Variants in DST observed in about 807,000 individuals in gnomAD.
DST encodes the protein bullous pemphigoid antigen.
A neutral mutation model predicts 875.2 loss-of-function variants in DST; 253 were observed. That is an observed-to-expected ratio of 0.29 (90% confidence interval 0.26 to 0.32). The LOEUF is 0.32. DST is among the 10% of genes least tolerant of loss of function. The pLI is 1.00. For missense variants in DST, 8,287 were observed against 9,111.6 expected (o/e 0.91, Z 3.68); for synonymous variants, 3,124 against 3,197.1 (o/e 0.98, Z 0.77).
chr6:56,633,667 GT>G (rs760498037), intron 27 of DST, among the ~76,000 whole-genome samples: 5 of 151,522 alleles, frequency 3.3e-5, no homozygotes, highest in Non-Finnish European at 7.4e-5. Flanking sequence ...CACCTGGCTA[GT>G]TTTGTATTTT....
Position 56,715,990 on chromosome 6 carries a change from G to A in DST, c.688-11621C>T, listed in dbSNP as rs1372478907. Among the ~76,000 whole-genome samples the A allele has an allele frequency of 3.9e-5, 6 of 152,102 alleles. No homozygotes were observed. In the East Asian group the frequency reaches 7.7e-4, roughly 20 times the overall value. On this transcript the variant is annotated intron_variant, in intron 5 of 103. Transcript: ENST00000680361. ...GAAGGACTTCCAAGTCTACGCATTC[G>A]TAAATAAATCTGTATGCCTTTTTCT...
intron 3 of DST, 199 bp from the exon 4 acceptor site, chr6:56,851,803 A>G: frequency 6.4e-7 from 1 of 1,551,694 alleles, no homozygotes; most frequent in South Asian, 1.2e-5. Context: ...TTTCTTGGCC[A>G]AGTCTCCAAT....
At chr6:56,575,028 T>A (rs1483269876) in intron 50 of DST, among the ~76,000 whole-genome samples, 1 of 152,042 alleles carries the variant, frequency 6.6e-6, no homozygotes, top group African/African-American at 2.4e-5. Flanking sequence ...GAGTGAGAGG[T>A]TAAGTTTGGA....
chr6:56,693,215 C>T, intron 9 of DST: 1 of 1,215,354 alleles, frequency 8.2e-7, no homozygotes, highest in Non-Finnish European at 1.0e-6. Flanking sequence ...TACTTAGATC[C>T]TCTCCATTAA....
In DST at chr6:56,607,053, T is replaced by C. The variant is rs2098504617; in HGVS notation, c.7575A>G (p.Lys2525=). Residue 2525 remains lysine, a synonymous_variant, in exon 40 of 104, where the codon AAA becomes AAG. Transcript: ENST00000680361. ...CCTCACCAGAAGTATTTGAAATGTA[T>C]TTATCATTGTGATATTGTACTTGAG... ...SNPQVQYHND[K]YISNTSGEDE... is the part of the protein sequence containing the mutation. 4 of 1,613,210 alleles carry C rather than the reference T, an allele frequency of 2.5e-6. No individual in the cohort carries two copies. The South Asian group carries it at 4.4e-5, about 18-fold the overall frequency.
At chr6:56,942,706 C>CTTTTT (rs67354752) in intron 2 of DST, among the ~76,000 whole-genome samples, 7 of 65,994 alleles carry the variant, frequency 1.1e-4, no homozygotes, top group Admixed American at 2.0e-4. Flanking sequence ...TGCCATTTCT[C>CTTTTT]TTTTTTTTTT....
chr6:56,635,054 C>A, intron 24 of DST, 101 bp from the exon 25 acceptor site: 1 of 900,578 alleles, frequency 1.1e-6, no homozygotes, highest in Non-Finnish European at 1.7e-6. Flanking sequence ...AGTCTTCTCT[C>A]TGACTACCTA....
chr6:56,512,466 G>T (rs1179381717), intron 72 of DST, among the ~76,000 whole-genome samples: 2 of 152,328 alleles, frequency 1.3e-5, no homozygotes, highest in East Asian at 3.9e-4. Flanking sequence ...GCATTGAGGG[G>T]TCTTTCATTT....
intron 61 of DST, among the ~76,000 whole-genome samples, chr6:56,548,411 T>C (rs1007568675): frequency 2.0e-5 from 3 of 152,224 alleles, no homozygotes; most frequent in African/African-American, 4.8e-5. Flanking sequence ...ATGGTGATAA[T>C]GGTTACTTCA....
intron 4 of DST, among the ~76,000 whole-genome samples, chr6:56,793,444 T>C (rs1036995401): frequency 6.6e-6 from 1 of 152,224 alleles, no homozygotes; most frequent in Non-Finnish European, 1.5e-5. Flanking sequence ...ACATAGGGTT[T>C]GTATAACTAT....
Position 56,619,495 on chromosome 6 carries a change from A to G in DST, c.4930-5011T>C, listed in dbSNP as rs768158783. 11 of 1,611,972 alleles carry G rather than the reference A, an allele frequency of 6.8e-6. No individual in the cohort carries two copies. Among genetic ancestry groups the G allele is most frequent in the Non-Finnish European group, 9.3e-6 (11 of 1,179,598 alleles). ...TTTGTAGTCTTTCTAATTCTTTCTC[A>G]TCTCGAAAAGAATGAATTTGTGAAT... On this transcript the variant is annotated intron_variant, in intron 36 of 103. Transcript: ENST00000680361.
intron 4 of DST, among the ~76,000 whole-genome samples, chr6:56,814,009 C>T (rs58706056): frequency 1.3e-5 from 2 of 152,054 alleles, no homozygotes; most frequent in African/African-American, 4.8e-5. Flanking sequence ...TCTTTCATTA[C>T]TCATGTAAAG....
At chr6:56,698,749 G>C (rs2099277525) in intron 9 of DST, among the ~76,000 whole-genome samples, 5 of 152,208 alleles carry the variant, frequency 3.3e-5, no homozygotes, top group Admixed American at 3.3e-4. Context: ...GATGTACTGA[G>C]TGCCTACTGT....
Position 56,517,631 on chromosome 6 carries a change from G to T in DST, c.18130-11C>A. ...AGCTGCTTGGTCAAACTAAACAAAA[G>T]ATAAATAATTAGGTCAGCACGTTCC... On this transcript the variant is annotated splice_polypyrimidine_tract_variant and intron_variant, in intron 69 of 103. Transcript: ENST00000680361. The T allele has an allele frequency of 6.2e-7, 1 of 1,610,458 alleles. No homozygotes were observed. Among genetic ancestry groups the T allele is most frequent in the African/African-American group, 1.3e-5 (1 of 74,916 alleles).
rs550672349 is a variant in DST at position 56,684,552 on chromosome 6, G to A, written c.1048-13745C>T. Among the ~76,000 whole-genome samples, 18 of 152,292 alleles carry A rather than the reference G, an allele frequency of 1.2e-4. No homozygotes were observed. The East Asian group carries it at 2.1e-3, about 18-fold the overall frequency. The stretch of plus-strand genomic sequence containing the variant: ...GACTAAAAGAGGTGACGTCATTTGC[G>A]TAGGGTCTCACAGCATGCTAGCAGG... On this transcript the variant is annotated intron_variant, in intron 9 of 103. Coordinates refer to ENST00000680361, the MANE Select transcript of DST (RefSeq NM_001374736.1).
intron 36 of DST, chr6:56,620,362 G>C: frequency 6.2e-7 from 1 of 1,614,028 alleles, no homozygotes; most frequent in Admixed American, 1.7e-5. Context: ...TTTTAGCCTC[G>C]GCCTCTATGG....
chr6:56,807,753 A>G (rs777382411), intron 4 of DST, among the ~76,000 whole-genome samples: 13 of 152,218 alleles, frequency 8.5e-5, no homozygotes, highest in Non-Finnish European at 1.6e-4. Context: ...TCCTAAATGT[A>G]AGGGACAAAA....
chr6:56,820,317 T>C (rs1022374801), intron 4 of DST, among the ~76,000 whole-genome samples: 3 of 152,248 alleles, frequency 2.0e-5, no homozygotes, highest in South Asian at 2.1e-4. Context: ...CTGTTTTCAG[T>C]AGTATGCTAG....
intron 5 of DST, among the ~76,000 whole-genome samples, chr6:56,710,054 C>T (rs543589000): frequency 5.9e-5 from 9 of 152,112 alleles, no homozygotes; most frequent in African/African-American, 7.2e-5. Flanking sequence ...AAGAAAACTA[C>T]GAATTTTAAA....
Sources: gnomAD v4.1 joint callset for allele counts (sites outside exome capture counted in the v4.1 genomes callset) on GRCh38, gnomAD v4.1.1 for gene constraint, MANE v1.5 for transcripts, NCBI Gene and HGNC (gene_info 2026-07-23, HGNC 2026-07-21) for gene names.